PTPRD: variants seen among roughly 807,000 people sequenced by gnomAD.
PTPRD encodes the protein receptor-type tyrosine-protein phosphatase delta.
In PTPRD, 34 loss-of-function variants were observed where a neutral mutation model predicts 214.5. The observed-to-expected ratio is 0.16, with a 90% CI of 0.12 to 0.21. The LOEUF is 0.21. PTPRD is among the 10% of genes least tolerant of loss of function. The pLI is 1.00. For missense variants in PTPRD, 2,545 were observed against 2,398.7 expected (o/e 1.06, Z -1.27); for synonymous variants, 1,128 against 845.7 (o/e 1.33, Z -5.79).
At chr9:9,788,875 G>A (rs1485731944) in intron 5 of PTPRD, among the ~76,000 whole-genome samples, 3 of 152,018 alleles carry the variant, frequency 2.0e-5, no homozygotes, top group Non-Finnish European at 4.4e-5. Flanking sequence ...TCTTCATCTA[G>A]GGTCAAAATT....
At chr9:9,839,133 T>C (rs868576976) in intron 5 of PTPRD, among the ~76,000 whole-genome samples, 2 of 152,174 alleles carry the variant, frequency 1.3e-5, no homozygotes, top group African/African-American at 2.4e-5. Flanking sequence ...TATATCTCTG[T>C]TTTGGTACCA....
At chr9:9,265,500 C>A (rs182884499) in intron 9 of PTPRD, among the ~76,000 whole-genome samples, 1 of 151,434 alleles carries the variant, frequency 6.6e-6, no homozygotes, top group African/African-American at 2.4e-5. Flanking sequence ...CTCAAGTGAT[C>A]CCTCTATGTT....
intron 8 of PTPRD, among the ~76,000 whole-genome samples, chr9:9,537,869 G>A (rs1034793399): frequency 1.3e-5 from 2 of 151,658 alleles, no homozygotes; most frequent in African/African-American, 2.4e-5. Flanking sequence ...ACATTTTAAT[G>A]AGCTTATTAA....
intron 4 of PTPRD, among the ~76,000 whole-genome samples, chr9:9,953,257 C>T (rs765831750): frequency 1.3e-4 from 20 of 152,080 alleles, no homozygotes; most frequent in African/African-American, 3.1e-4. Flanking sequence ...CTGCCCTCCA[C>T]GATGTGGACA....
At chr9:9,441,320 G>A (rs1255268437) in intron 8 of PTPRD, among the ~76,000 whole-genome samples, 1 of 152,170 alleles carries the variant, frequency 6.6e-6, no homozygotes, top group Non-Finnish European at 1.5e-5. Context: ...GGGCTTCTTA[G>A]AGTAAATTAA....
At chr9:9,841,555 C>T (rs1014798686) in intron 5 of PTPRD, among the ~76,000 whole-genome samples, 51 of 152,164 alleles carry the variant, frequency 3.4e-4, no homozygotes, top group East Asian at 3.3e-3. Flanking sequence ...AGAATATATA[C>T]GCTAGAACAT....
rs201386690 is a variant in PTPRD, at chr9:8,484,319, T to C, written c.3213A>G (p.Leu1071=). The C allele has an allele frequency of 6.2e-7, 1 of 1,614,086 alleles. No individual in the cohort carries two copies. Among genetic ancestry groups the C allele is most frequent in the Non-Finnish European group, 8.5e-7 (1 of 1,180,020 alleles). ...EEVDGRATQK[L]IVNLKPEKSY... ...ATTTCTCAGGCTTCAGGTTGACAAT[T>C]AACTTCTGTGTGGCTCGGCCATCCA... is the stretch of plus-strand genomic sequence containing the variant. The change falls in exon 30 of 46, where the codon TTA becomes TTG. Residue 1071 remains leucine, a synonymous_variant. Transcript: ENST00000381196.
chr9:9,567,882 T>G (rs905074933), intron 8 of PTPRD, among the ~76,000 whole-genome samples: 2 of 151,942 alleles, frequency 1.3e-5, no homozygotes, highest in Non-Finnish European at 2.9e-5. Context: ...TTGCTGGCAA[T>G]AGGCAGAAGA....
At chr9:9,828,822 G>C (rs748349747) in intron 5 of PTPRD, among the ~76,000 whole-genome samples, 2 of 151,488 alleles carry the variant, frequency 1.3e-5, no homozygotes, top group African/African-American at 2.4e-5. Flanking sequence ...GTAATTAAAA[G>C]CATTTCATGC....
At chr9:10,134,430 C>A (rs1239240438) in intron 3 of PTPRD, among the ~76,000 whole-genome samples, 3 of 152,280 alleles carry the variant, frequency 2.0e-5, no homozygotes, top group African/African-American at 4.8e-5. Flanking sequence ...AACACTGCTG[C>A]AAATGTGTTA....
intron 2 of PTPRD, among the ~76,000 whole-genome samples, chr9:10,486,362 G>T (rs2132438203): frequency 6.6e-6 from 1 of 152,192 alleles, no homozygotes; most frequent in South Asian, 2.1e-4. Flanking sequence ...TTTGTATAAG[G>T]TATAAGGAAG....
At chr9:10,431,720 T>C (rs1260783202) in intron 2 of PTPRD, among the ~76,000 whole-genome samples, 1 of 151,962 alleles carries the variant, frequency 6.6e-6, no homozygotes, top group African/African-American at 2.4e-5. Flanking sequence ...GAAATGCAAA[T>C]CAAAACCACA....
intron 9 of PTPRD, among the ~76,000 whole-genome samples, chr9:9,193,445 C>T (rs2099936466): frequency 6.6e-6 from 1 of 152,056 alleles, no homozygotes; most frequent in Non-Finnish European, 1.5e-5. Flanking sequence ...GGAATACATT[C>T]TGAGAAATGT....
chr9:8,737,690 A>G (rs1055497771), intron 11 of PTPRD, among the ~76,000 whole-genome samples: 5 of 152,148 alleles, frequency 3.3e-5, no homozygotes, highest in African/African-American at 7.2e-5. Context: ...ACTCTCTGTC[A>G]AGCAGGCTGG....
rs1281451461 is a variant in PTPRD, at chr9:9,574,725, A to G, written c.-237+7T>C. On this transcript the variant is annotated splice_region_variant and intron_variant, in intron 8 of 45. Coordinates refer to ENST00000381196, the MANE Select transcript of PTPRD (RefSeq NM_002839.4). ...TCTAAAATTAGGTAAATTAATTATA[A>G]TCTTACCGTAAGCTCACAGGTTAGG... is the stretch of plus-strand genomic sequence containing the variant. 6.6e-6 allele frequency: 1 copy of G among 152,068 alleles called. No homozygotes were observed. The highest frequency in any genetic ancestry group is 1.5e-5 in the Non-Finnish European group (1 of 67,946). The allele number at this position is 152,068 out of a possible 1,614,324, so 9.4% of individuals were successfully genotyped here.
At chr9:8,751,405 A>AT (rs1486022675) in intron 11 of PTPRD, among the ~76,000 whole-genome samples, 16 of 90,142 alleles carry the variant, frequency 1.8e-4, no homozygotes, top group Admixed American at 1.1e-3. Context: ...ACTCACTTAA[A>AT]AAAAAAAAAG....
At chr9:8,422,895 C>T (rs2094451638) in intron 35 of PTPRD, among the ~76,000 whole-genome samples, 1 of 152,060 alleles carries the variant, frequency 6.6e-6, no homozygotes, top group Non-Finnish European at 1.5e-5. Context: ...TATGCAGCAC[C>T]CTAACTGCTC....
intron 39 of PTPRD, among the ~76,000 whole-genome samples, chr9:8,372,134 G>C (rs1564354184): frequency 6.6e-6 from 1 of 152,000 alleles, no homozygotes; most frequent in Non-Finnish European, 1.5e-5. Context: ...ACTGAGAAAA[G>C]TCTCATGGGA....
At chr9:10,466,510 C>G (rs1189737034) in intron 2 of PTPRD, among the ~76,000 whole-genome samples, 1 of 150,536 alleles carries the variant, frequency 6.6e-6, no homozygotes, top group Non-Finnish European at 1.5e-5. Flanking sequence ...GTAATCCCAG[C>G]TACTCGGGAG....
Sources: gnomAD v4.1 joint callset for allele counts (sites outside exome capture counted in the v4.1 genomes callset) on GRCh38, gnomAD v4.1.1 for gene constraint, MANE v1.5 for transcripts, NCBI Gene and HGNC (gene_info 2026-07-23, HGNC 2026-07-21) for gene names.